Variants in ZC3H3 observed in about 807,000 individuals in gnomAD.
ZC3H3 encodes the protein zinc finger CCCH-type containing 3.
In ZC3H3, 36 loss-of-function variants were observed where a neutral mutation model predicts 77.3. The observed-to-expected ratio is 0.47, with a 90% CI of 0.36 to 0.61. The LOEUF (loss-of-function observed/expected upper bound fraction) is 0.61. Among genes scored for constraint, ZC3H3 ranks in the 20% least tolerant of loss-of-function variants. ZC3H3 has a pLI of 0.00. For synonymous variants in ZC3H3, 626 were observed against 555.2 expected (o/e 1.13, Z -1.79); for missense variants, 1,331 against 1,312.2 (o/e 1.01, Z -0.22).
At chr8:143,497,574 C>G (rs440379) in intron 4 of ZC3H3, among the ~76,000 whole-genome samples, 75,717 of 152,086 alleles carry the variant, frequency 0.5, 19,146 homozygotes, top group East Asian at 0.68. Context: ...GCTGACTGCA[C>G]CCACCGGTAG....
intron 4 of ZC3H3, among the ~76,000 whole-genome samples, chr8:143,506,251 C>T (rs185021587): frequency 1.3e-5 from 2 of 152,220 alleles, no homozygotes; most frequent in African/African-American, 4.8e-5. Flanking sequence ...CACTTGGCCC[C>T]GAGCCGCACC....
intron 4 of ZC3H3, among the ~76,000 whole-genome samples, chr8:143,499,348 T>C (rs1334053690): frequency 6.6e-6 from 1 of 152,096 alleles, no homozygotes; most frequent in Middle Eastern, 3.4e-3. Flanking sequence ...GGGAAGGCAG[T>C]GGCAAGGGCT....
At chr8:143,524,552 G>A (rs1333770575) in intron 3 of ZC3H3, among the ~76,000 whole-genome samples, 3 of 152,248 alleles carry the variant, frequency 2.0e-5, no homozygotes, top group Non-Finnish European at 4.4e-5. Context: ...AGCCCATCAC[G>A]CTAGCAGCAG....
chr8:143,462,065 G>A lies in ZC3H3; in HGVS notation c.2307+3652C>T, dbSNP rs1820279985. On this transcript the variant is annotated intron_variant, in intron 9 of 11. Transcript: ENST00000262577. The surrounding 1 kb of genome is among the most constrained non-coding windows in gnomAD (Gnocchi z 4.7). ...CCCACGACATGAAGAAAAACTAAGT[G>A]AGGCCCCACCTCACACAACACGCAA... is the stretch of plus-strand genomic sequence containing the variant. Among the ~76,000 whole-genome samples, 1 of 151,876 alleles carries A rather than the reference G, an allele frequency of 6.6e-6. No individual in the cohort carries two copies. Among genetic ancestry groups the A allele is most frequent in the African/African-American group, 2.4e-5 (1 of 41,306 alleles).
At chr8:143,451,184 G>A (rs1319727622) in intron 9 of ZC3H3, among the ~76,000 whole-genome samples, 4 of 152,148 alleles carry the variant, frequency 2.6e-5, no homozygotes, top group Admixed American at 1.3e-4. Context: ...TCCCAGAGCA[G>A]AAGGCAGGAA....
intron 2 of ZC3H3, among the ~76,000 whole-genome samples, chr8:143,537,489 T>C (rs946650231): frequency 5.3e-5 from 8 of 152,114 alleles, no homozygotes; most frequent in African/African-American, 1.9e-4. Flanking sequence ...GCCCAAGCCC[T>C]AGACACGGGG....
Position 143,494,277 on chromosome 8 carries a change from C to A in ZC3H3, c.1715+13469G>T, listed in dbSNP as rs1435877324. Among the ~76,000 whole-genome samples the A allele has an allele frequency of 2.0e-5, 3 of 152,230 alleles. No individual in the cohort carries two copies. Among genetic ancestry groups the A allele is most frequent in the Non-Finnish European group, 4.4e-5 (3 of 68,042 alleles). On this transcript the variant is annotated intron_variant, in intron 4 of 11. Transcript: ENST00000262577. The surrounding 1 kb of genome is among the most constrained non-coding windows in gnomAD (Gnocchi z 5.3). ...CAGGCCGAACTTCCTGCTTTGATTT[C>A]TTTACCAGTTTTCTCAAATGACAGA... is the stretch of plus-strand genomic sequence containing the variant.
chr8:143,477,546 C>T (rs769564863), intron 4 of ZC3H3, among the ~76,000 whole-genome samples: 1 of 152,198 alleles, frequency 6.6e-6, no homozygotes, highest in Non-Finnish European at 1.5e-5. Flanking sequence ...GCAGGCCCAG[C>T]AGGTGCATGG....
intron 3 of ZC3H3, among the ~76,000 whole-genome samples, chr8:143,521,234 G>A (rs1822232727): frequency 6.6e-6 from 1 of 152,236 alleles, no homozygotes; most frequent in East Asian, 1.9e-4. Flanking sequence ...AGGCGCGGGT[G>A]GGGGCACTGG....
intron 3 of ZC3H3, among the ~76,000 whole-genome samples, chr8:143,515,356 C>T (rs975954373): frequency 2.6e-5 from 4 of 152,294 alleles, no homozygotes; most frequent in East Asian, 1.9e-4. Context: ...TGGGGCGCAG[C>T]GAGGGGCTGC....
At chr8:143,449,127 T>A (rs951385662) in intron 9 of ZC3H3, among the ~76,000 whole-genome samples, 29 of 152,232 alleles carry the variant, frequency 1.9e-4, no homozygotes, top group Admixed American at 2.6e-4. Flanking sequence ...CCAGGCCTCA[T>A]GCCAGTGATG....
At chr8:143,446,091 C>T (rs1335113775) in intron 9 of ZC3H3, among the ~76,000 whole-genome samples, 1 of 152,152 alleles carries the variant, frequency 6.6e-6, no homozygotes, top group Non-Finnish European at 1.5e-5. Flanking sequence ...CACCGCACAC[C>T]CGCTGGAAAC....
intron 3 of ZC3H3, among the ~76,000 whole-genome samples, chr8:143,516,577 A>T (rs1264558710): frequency 1.3e-3 from 186 of 146,820 alleles, no homozygotes; most frequent in African/African-American, 4.6e-3. Flanking sequence ...ATACACACAC[A>T]CACTCACTCT....
chr8:143,464,127 C>T (rs1457775170), intron 9 of ZC3H3, among the ~76,000 whole-genome samples: 1 of 152,262 alleles, frequency 6.6e-6, no homozygotes, highest in Non-Finnish European at 1.5e-5. Flanking sequence ...CGCCTGTCCC[C>T]GCTGGATCTG....
At chr8:143,490,563 G>A (rs1180516611) in intron 4 of ZC3H3, among the ~76,000 whole-genome samples, 1 of 152,258 alleles carries the variant, frequency 6.6e-6, no homozygotes, top group Non-Finnish European at 1.5e-5. Flanking sequence ...GCCTTGAGAG[G>A]TTAATCATGT....
At position 143,493,445 on chromosome 8, in the gene ZC3H3, C is replaced by T. The variant is rs1055488953; in HGVS notation, c.1715+14301G>A. Among the ~76,000 whole-genome samples the T allele has an allele frequency of 1.3e-5, 2 of 152,184 alleles. No individual in the cohort carries two copies. The highest frequency in any genetic ancestry group is 2.4e-5 in the African/African-American group (1 of 41,440). On this transcript the variant is annotated intron_variant, in intron 4 of 11. Coordinates refer to ENST00000262577, the MANE Select transcript of ZC3H3 (RefSeq NM_015117.3). The surrounding 1 kb of genome is among the most constrained non-coding windows in gnomAD (Gnocchi z 4.8). ...CTTCCCTACCCCAAACCACCAAGGC[C>T]GAGGCTGCAGGAGGGGTCTGGCCCT...
chr8:143,531,795 ATTTTCT>A (rs1822616876), intron 3 of ZC3H3, among the ~76,000 whole-genome samples: 1 of 152,192 alleles, frequency 6.6e-6, no homozygotes, highest in Non-Finnish European at 1.5e-5. Flanking sequence ...TAGTAATTCA[ATTTTCT>A]TTTTATTAGC....
intron 2 of ZC3H3, 138 bp downstream of exon 2, chr8:143,537,865 C>T (rs971916423): frequency 3.0e-6 from 3 of 987,434 alleles, no homozygotes; most frequent in East Asian, 2.4e-5. Context: ...ACCACAGCAG[C>T]ACTTCCTGCC....
chr8:143,532,229 G>GATCA (rs3058441), intron 3 of ZC3H3, among the ~76,000 whole-genome samples: 140,648 of 152,152 alleles, frequency 0.92, 65,343 homozygotes, highest in East Asian at 1. Context: ...GAAATTACGC[G>GATCA]ATTACCAAAA....
Sources: allele counts gnomAD v4.1 joint callset (sites outside exome capture counted in the v4.1 genomes callset), GRCh38; gene constraint gnomAD v4.1.1; non-coding constraint Gnocchi (gnomAD v3.1); transcripts MANE v1.5; gene names NCBI Gene and HGNC (gene_info 2026-07-23, HGNC 2026-07-21).